SETX: variants seen among roughly 807,000 people sequenced by gnomAD.
SETX encodes the protein helicase senataxin.
SETX carries 90 observed loss-of-function variants against 227.2 expected under a neutral mutation model. The ratio of observed to expected loss-of-function variants is 0.40; its 90% confidence interval spans 0.33 to 0.47. The LOEUF is 0.47. SETX is among the 20% of genes least tolerant of loss of function. The pLI is 0.91. For synonymous variants in SETX, 1,210 were observed against 1,113.2 expected, an observed-to-expected ratio of 1.09 and a Z score of -1.73; for missense variants, 3,052 against 3,181.5, an observed-to-expected ratio of 0.96 and a Z score of 0.98.
chr9:132,333,416 TAC>T (rs764524464), intron 7 of SETX, among the ~76,000 whole-genome samples: 2,246 of 87,896 alleles, frequency 0.026, 132 homozygotes, highest in East Asian at 0.063. Context: ...AAAATATATA[TAC>T]ACACACACAC....
intron 10 of SETX, among the ~76,000 whole-genome samples, chr9:132,325,568 T>C (rs1224288328): frequency 6.6e-6 from 1 of 152,166 alleles, no homozygotes; most frequent in Non-Finnish European, 1.5e-5. Context: ...CAATAAACAT[T>C]TCCTTCTGTG....
chr9:132,355,193 C>T (rs1457126268), upstream of SETX, among the ~76,000 whole-genome samples: 3 of 152,142 alleles, frequency 2.0e-5, no homozygotes, highest in Non-Finnish European at 2.9e-5. Context: ...CCCGACCAAT[C>T]CCGAGTCCCC....
At chr9:132,269,786 C>T (rs1024442555) in intron 24 of SETX, 84 bp from the exon 25 acceptor site, 14 of 1,348,704 alleles carry the variant, frequency 1.0e-5, no homozygotes, top group Non-Finnish European at 1.5e-5. Context: ...TAGAATGACT[C>T]AACGTGCCCG....
chr9:132,322,838 A>AATC (rs1564531661), intron 10 of SETX, among the ~76,000 whole-genome samples: 81 of 139,340 alleles, frequency 5.8e-4, no homozygotes, highest in African/African-American at 2.3e-3. Flanking sequence ...CTAACTTTAA[A>AATC]ATTATCATAA....
intron 3 of SETX, among the ~76,000 whole-genome samples, chr9:132,348,184 A>T (rs1456116557): frequency 1.3e-5 from 2 of 151,708 alleles, no homozygotes; most frequent in East Asian, 3.9e-4. Context: ...ACATGGTAAA[A>T]CCCCATCTCT....
Position 132,329,797 on chromosome 9 carries a change from G to A in SETX, c.1801C>T (p.Pro601Ser). The change falls in exon 10 of 26, where the codon CCA (proline) becomes TCA (serine). Residue 601 changes from proline (P) to serine (S), a missense_variant. Physicochemically the swap from Pro to Ser is moderately conservative, Grantham distance 74 (BLOSUM62 -1). Transcript: ENST00000224140. ...IIRNIKFKAP[P>S]CNTFVDLTSA... The stretch of plus-strand genomic sequence containing the variant: ...GTCAGATCCACAAAAGTGTTACATG[G>A]AGGTGCTTTGAATTTTATGTTTCTA... 6.2e-7 allele frequency: 1 copy of A among 1,613,998 alleles called. No individual in the cohort carries two copies. Among genetic ancestry groups the A allele is most frequent in the Non-Finnish European group, 8.5e-7 (1 of 1,179,984 alleles).
At chr9:132,307,240 C>A (rs1845385920) in intron 11 of SETX, among the ~76,000 whole-genome samples, 1 of 151,872 alleles carries the variant, frequency 6.6e-6, no homozygotes, top group Non-Finnish European at 1.5e-5. Flanking sequence ...GGCGACAGAG[C>A]AAGACTCTGT....
intron 3 of SETX, among the ~76,000 whole-genome samples, chr9:132,347,181 G>A (rs1214395729): frequency 1.3e-5 from 2 of 151,672 alleles, no homozygotes; most frequent in African/African-American, 2.4e-5. Flanking sequence ...GAACCCAGGA[G>A]GCGGAGGTTG....
intron 15 of SETX, among the ~76,000 whole-genome samples, chr9:132,292,931 C>A (rs1359206666): frequency 6.6e-6 from 1 of 152,174 alleles, no homozygotes; most frequent in Non-Finnish European, 1.5e-5. Flanking sequence ...GCCACCGCAC[C>A]TGGCCCCAAC....
chr9:132,342,901 T>C, intron 4 of SETX, 102 bp from the exon 5 acceptor site: 1 of 899,454 alleles, frequency 1.1e-6, no homozygotes, highest in Non-Finnish European at 1.8e-6. Flanking sequence ...AAAAATTTGC[T>C]TTTTATTTTT....
At chr9:132,321,917 A>C (rs1846381720) in intron 10 of SETX, among the ~76,000 whole-genome samples, 1 of 152,170 alleles carries the variant, frequency 6.6e-6, no homozygotes, top group Non-Finnish European at 1.5e-5. Context: ...CTTCCTAATG[A>C]AGTGCCAATG....
chr9:132,277,790 A>C (rs1291614827), intron 21 of SETX, among the ~76,000 whole-genome samples: 1 of 55,710 alleles, frequency 1.8e-5, no homozygotes, highest in Non-Finnish European at 2.8e-5. Flanking sequence ...CCCTGTCTTC[A>C]AAAAAAAAAA....
chr9:132,316,762 G>T (rs1845993469), intron 10 of SETX, among the ~76,000 whole-genome samples: 1 of 152,060 alleles, frequency 6.6e-6, no homozygotes, highest in Non-Finnish European at 1.5e-5. Flanking sequence ...GAGCCAAAGG[G>T]TCTCCCACTG....
chr9:132,316,549 C>T (rs539891503), intron 10 of SETX, among the ~76,000 whole-genome samples: 3 of 152,250 alleles, frequency 2.0e-5, no homozygotes, highest in Admixed American at 6.5e-5. Context: ...ATATTTTCTT[C>T]GTTTAGTTTT....
chr9:132,352,285 A>G (rs1457011167), intron 2 of SETX, among the ~76,000 whole-genome samples: 1 of 152,108 alleles, frequency 6.6e-6, no homozygotes, highest in Non-Finnish European at 1.5e-5. Flanking sequence ...CTTCTACCCA[A>G]TCACCTTCAT....
chr9:132,272,482 A>G (rs1186798644), intron 23 of SETX, among the ~76,000 whole-genome samples: 3 of 151,500 alleles, frequency 2.0e-5, no homozygotes, highest in Admixed American at 6.6e-5. Flanking sequence ...ACTTAAAAAA[A>G]AAAAGAGAGA....
intron 14 of SETX, among the ~76,000 whole-genome samples, chr9:132,296,271 A>G (rs905248174): frequency 6.6e-6 from 1 of 152,202 alleles, no homozygotes; most frequent in Non-Finnish European, 1.5e-5. Flanking sequence ...ACTCAATCCA[A>G]GCCAGGCACA....
At chr9:132,284,197 T>C (rs1182235086) in intron 18 of SETX, among the ~76,000 whole-genome samples, 2 of 152,224 alleles carry the variant, frequency 1.3e-5, no homozygotes, top group African/African-American at 4.8e-5. Context: ...CTCAGCCACC[T>C]AGTGAGTACA....
chr9:132,278,797 C>T (rs1747761224), intron 20 of SETX, among the ~76,000 whole-genome samples: 2 of 152,142 alleles, frequency 1.3e-5, no homozygotes, highest in Admixed American at 1.3e-4. Context: ...TCTGGGGGTA[C>T]ACCCTCACAG....
Sources: allele counts gnomAD v4.1 joint callset (sites outside exome capture counted in the v4.1 genomes callset), GRCh38; gene constraint gnomAD v4.1.1; transcripts MANE v1.5; gene names NCBI Gene and HGNC (gene_info 2026-07-23, HGNC 2026-07-21).